Variants in GLIS2 observed in about 807,000 individuals in gnomAD.
GLIS2 encodes the protein GLIS family zinc finger 2, also known as zinc finger protein GLIS2.
Under a neutral mutation model 35.6 loss-of-function variants are expected in GLIS2, and 14 were observed. The observed-to-expected ratio is 0.39, with a 90% CI of 0.26 to 0.61. GLIS2 has a LOEUF of 0.61. Ranked by LOEUF, GLIS2 falls within the 20% of genes least tolerant of loss-of-function variation. GLIS2 has a pLI of 0.48. For synonymous variants in GLIS2, 368 were observed against 325.1 expected, an observed-to-expected ratio of 1.13 and a Z score of -1.42; for missense variants, 675 against 713.4, an observed-to-expected ratio of 0.95 and a Z score of 0.61.
At chr16:4,319,569 C>T (rs776139585) in intron 1 of GLIS2, among the ~76,000 whole-genome samples, 25 of 152,332 alleles carry the variant, frequency 1.6e-4, no homozygotes, top group Middle Eastern at 3.4e-3. Flanking sequence ...TAGCGAGTCT[C>T]CCGGGCCACA....
rs772148849 is a variant in GLIS2 at position 4,332,440 on chromosome 16, T to C, written c.160T>C (p.Ser54Pro). ...CAGCCCCACACCTGGCTCTCCAGGC[T>C]CCCCGCCCTCAGGTACTGGCCCTGG... ...DDSPTPGSPG[S>P]PPSGFLLNSK... The change falls in exon 2 of 7, where the codon TCC becomes CCC. Residue 54 changes from serine (S) to proline (P), a missense_variant. Transcript: ENST00000433375. The surrounding 1 kb of genome is among the most constrained non-coding windows in gnomAD (Gnocchi z 5.4). The C allele has an allele frequency of 1.9e-6, 3 of 1,611,712 alleles. No individual in the cohort carries two copies. The East Asian group carries it at 6.7e-5, about 36-fold the overall frequency.
intron 1 of GLIS2, among the ~76,000 whole-genome samples, chr16:4,323,616 GC>G (rs1468477738): frequency 2.0e-5 from 3 of 152,190 alleles, no homozygotes; most frequent in African/African-American, 7.2e-5. Context: ...CTCCCTGCTG[GC>G]GTTGGAGAAG....
chr16:4,332,095 C>T lies in GLIS2; in HGVS notation c.-66-120C>T, dbSNP rs2053502620. ...CCGGCCAGGTCGCTCGGAGGGTCTC[C>T]CTACCCAGGAGACAACCTCACACTG... is the stretch of plus-strand genomic sequence containing the variant. On this transcript the variant is annotated intron_variant, in intron 1 of 6. Transcript: ENST00000433375. This position sits in a 1 kb window ranked among gnomAD's most constrained non-coding sequence, Gnocchi z 5.4. The T allele has an allele frequency of 1.3e-6, 1 of 778,348 alleles. No individual in the cohort carries two copies. The highest frequency in any genetic ancestry group is 2.0e-5 in the Admixed American group (1 of 48,850). 48.2% of individuals were successfully genotyped at this position (778,348 alleles called of 1,614,324 possible). A position where few individuals can be genotyped will look rare whatever the true frequency, so the allele number is the denominator to read the frequency against.
chr16:4,325,275 G>C (rs2053418789), intron 1 of GLIS2: 1 of 152,260 alleles, frequency 6.6e-6, no homozygotes, highest in Non-Finnish European at 1.5e-5. Flanking sequence ...CTTACCTGGG[G>C]TTGAAACCCA....
At chr16:4,321,460 G>A (rs964721627) in intron 1 of GLIS2, among the ~76,000 whole-genome samples, 1 of 152,234 alleles carries the variant, frequency 6.6e-6, no homozygotes, top group African/African-American at 2.4e-5. Context: ...TGAATGAGAC[G>A]GACTCATTCG....
intron 2 of GLIS2, 39 bp from the exon 3 acceptor site, chr16:4,333,308 C>T: frequency 6.2e-7 from 1 of 1,610,962 alleles, no homozygotes. Context: ...CACTGGGACT[C>T]TACACTCCAG....
chr16:4,332,174 T>G lies in GLIS2; in HGVS notation c.-66-41T>G. On this transcript the variant is annotated intron_variant, in intron 1 of 6. Transcript: ENST00000433375. The surrounding 1 kb of genome is among the most constrained non-coding windows in gnomAD (Gnocchi z 5.4). ...CATGAGTACAGCCCGAGGAGAAGCC[T>G]GGGGTCTCAGTGCCACAGCACAGCT... The G allele has an allele frequency of 7.4e-7, 1 of 1,360,324 alleles. No homozygotes were observed. The highest frequency in any genetic ancestry group is 1.2e-5 in the South Asian group (1 of 80,882). The allele number at this position is 1,360,324 out of a possible 1,614,324, so 84.3% of individuals were successfully genotyped here.
chr16:4,334,972 G>A lies in GLIS2; in HGVS notation c.517G>A (p.Ala173Thr). Residue 173 changes from alanine (A) to threonine (T), a missense_variant, in exon 4 of 7, where the codon GCC (alanine) becomes ACC (threonine). By Grantham distance (58) the Ala-to-Thr change is moderately conservative. Transcript: ENST00000433375. Reference protein sequence around the residue: ...PLPKQLVCRWAKCNQLFELLQ... With the variant: ...PLPKQLVCRWTKCNQLFELLQ... ...GCCCAAGCAGCTGGTGTGTCGCTGGGCCAAGGTGAGTGGGGGCCAGCAAGA... is the reference window on the plus strand; with the variant it reads ...GCCCAAGCAGCTGGTGTGTCGCTGGACCAAGGTGAGTGGGGGCCAGCAAGA... 6.2e-7 allele frequency: 1 copy of A among 1,613,206 alleles called. No individual in the cohort carries two copies. Among genetic ancestry groups the A allele is most frequent in the Non-Finnish European group, 8.5e-7 (1 of 1,180,030 alleles).
In GLIS2 at chr16:4,337,700, T is replaced by G. The variant is rs1596244037; in HGVS notation, c.*176T>G. 1 of 871,318 alleles carries G rather than the reference T, an allele frequency of 1.1e-6. No homozygotes were observed. The highest frequency in any genetic ancestry group is 1.8e-6 in the Non-Finnish European group (1 of 557,096). The allele number at this position is 871,318 out of a possible 1,614,324, so 54.0% of individuals were successfully genotyped here. Reference sequence around the variant, plus strand: ...CATGGCTGGCCTCCCAGCCCCCGGGTGGGGACCTGGCCTGTCATGCAGGGA... The same window carrying G: ...CATGGCTGGCCTCCCAGCCCCCGGGGGGGGACCTGGCCTGTCATGCAGGGA... On this transcript the variant is annotated 3_prime_UTR_variant, in exon 7 of 7. Transcript: ENST00000433375.
intron 1 of GLIS2, chr16:4,329,245 C>G (rs951637648): frequency 7.9e-5 from 12 of 152,218 alleles, no homozygotes; most frequent in African/African-American, 2.9e-4. Context: ...CCCTGTCCAG[C>G]CAGAGAAACA....
Position 4,320,710 on chromosome 16 carries a change from C to T in GLIS2, c.-67+4456C>T, listed in dbSNP as rs1006784401. 6.6e-6 allele frequency among the ~76,000 whole-genome samples: 1 copy of T among 152,192 alleles called. No individual in the cohort carries two copies. Among genetic ancestry groups the T allele is most frequent in the African/African-American group, 2.4e-5 (1 of 41,450 alleles). ...TTCTCCCCTGGGCCACTCCCACCTTCATCCAGAGCCCCCATTCCCCACCCC... is the reference window on the plus strand; with the variant it reads ...TTCTCCCCTGGGCCACTCCCACCTTTATCCAGAGCCCCCATTCCCCACCCC... On this transcript the variant is annotated intron_variant, in intron 1 of 6. Coordinates refer to ENST00000433375, the MANE Select transcript of GLIS2 (RefSeq NM_032575.3). The surrounding 1 kb of genome is among the most constrained non-coding windows in gnomAD (Gnocchi z 5.6).
At chr16:4,322,930 T>A (rs948343499) in intron 1 of GLIS2, among the ~76,000 whole-genome samples, 4 of 152,096 alleles carry the variant, frequency 2.6e-5, no homozygotes, top group South Asian at 2.1e-4. Flanking sequence ...GGAGGCGCGG[T>A]GTTTCCTTCG....
chr16:4,315,855 C>T (rs893287321), upstream of GLIS2, among the ~76,000 whole-genome samples: 8 of 149,274 alleles, frequency 5.4e-5, no homozygotes, highest in Non-Finnish European at 9.0e-5. Context: ...TGGCAGCTGG[C>T]GCCCCGGGCC....
At chr16:4,316,304 G>GC (rs1258154119) in intron 1 of GLIS2, among the ~76,000 whole-genome samples, 50 bp downstream of exon 1, 1 of 145,238 alleles carries the variant, frequency 6.9e-6, no homozygotes, top group African/African-American at 2.5e-5. Flanking sequence ...CGGGGCGGGG[G>GC]GGGGGGGGCC....
At chr16:4,322,630 C>T in intron 1 of GLIS2, among the ~76,000 whole-genome samples, 1 of 151,556 alleles carries the variant, frequency 6.6e-6, no homozygotes, top group Middle Eastern at 3.4e-3. Flanking sequence ...AGCCCCCCCC[C>T]TACACTGTTT....
At chr16:4,327,715 G>A (rs937044911) in intron 1 of GLIS2, among the ~76,000 whole-genome samples, 1 of 151,888 alleles carries the variant, frequency 6.6e-6, no homozygotes, top group African/African-American at 2.4e-5. Flanking sequence ...CGGTGGGTGG[G>A]AAGGGCAGGG....
chr16:4,336,646 G>A, intron 6 of GLIS2, 79 bp from the exon 7 acceptor site: 1 of 1,416,148 alleles, frequency 7.1e-7, no homozygotes, highest in Non-Finnish European at 9.8e-7. Flanking sequence ...CTTGGCCCGG[G>A]GAAATGTTGA....
chr16:4,336,396 C>T, intron 6 of GLIS2: 1 of 516,346 alleles, frequency 1.9e-6, no homozygotes, highest in East Asian at 3.5e-5. Context: ...ATCTGCCTGC[C>T]TTGGCCTCCC....
chr16:4,336,662 T>C, intron 6 of GLIS2, 63 bp from the exon 7 acceptor site: 1 of 1,495,920 alleles, frequency 6.7e-7, no homozygotes, highest in Non-Finnish European at 9.1e-7. Context: ...GTTGAGTGCA[T>C]GGGGTGAGAC....
Sources: gnomAD v4.1 joint callset for allele counts (sites outside exome capture counted in the v4.1 genomes callset) on GRCh38, gnomAD v4.1.1 for gene constraint, Gnocchi (gnomAD v3.1) non-coding constraint, MANE v1.5 for transcripts, NCBI Gene and HGNC (gene_info 2026-07-23, HGNC 2026-07-21) for gene names.